ROBO1: variants seen among roughly 807,000 people sequenced by gnomAD.
The protein encoded by ROBO1 is roundabout homolog 1.
In ROBO1, 149 loss-of-function variants were observed where a neutral mutation model predicts 195.9. That is an observed-to-expected ratio of 0.76 (90% CI 0.67 to 0.87). ROBO1 has a LOEUF of 0.87. ROBO1 is among the 40% of genes least tolerant of loss of function. The probability of loss-of-function intolerance (pLI) is 0.00; values close to 1 mark genes in which losing one functional copy is unlikely to be tolerated. For synonymous variants in ROBO1, 816 were observed against 733.2 expected, an observed-to-expected ratio of 1.11 and a Z score of -1.82; for missense variants, 1,933 against 2,068.3, an observed-to-expected ratio of 0.93 and a Z score of 1.27.
intron 1 of ROBO1, among the ~76,000 whole-genome samples, chr3:79,629,763 AAGATG>A (rs1318181981): frequency 2.6e-5 from 4 of 152,074 alleles, no homozygotes; most frequent in Non-Finnish European, 5.9e-5. Flanking sequence ...GCAAGAAAAA[AAGATG>A]AGAAGATTCA....
At chr3:79,154,455 C>A (rs1306257545) in intron 2 of ROBO1, among the ~76,000 whole-genome samples, 1 of 151,680 alleles carries the variant, frequency 6.6e-6, no homozygotes, top group East Asian at 1.9e-4. Flanking sequence ...TATTGCATTT[C>A]ATATGAGAGA....
intron 1 of ROBO1, among the ~76,000 whole-genome samples, chr3:79,601,697 T>C (rs901150071): frequency 1.3e-5 from 2 of 151,942 alleles, no homozygotes; most frequent in African/African-American, 2.4e-5. Flanking sequence ...AGGCAAGAAA[T>C]CATGGTAGAT....
At chr3:79,426,188 A>T (rs1019729041) in intron 2 of ROBO1, among the ~76,000 whole-genome samples, 15 of 152,152 alleles carry the variant, frequency 9.9e-5, no homozygotes, top group African/African-American at 3.4e-4. Flanking sequence ...TTGCATCAAC[A>T]CCTGATAAAA....
intron 10 of ROBO1, among the ~76,000 whole-genome samples, chr3:78,673,565 TATATATATATA>T (rs1708205370): frequency 9.9e-5 from 2 of 20,110 alleles, no homozygotes; most frequent in African/African-American, 4.5e-4. Context: ...ATATATTTTA[TATATATATATA>T]TATATATATA....
intron 1 of ROBO1, among the ~76,000 whole-genome samples, chr3:79,622,515 G>A (rs755775592): frequency 1.3e-5 from 2 of 152,198 alleles, no homozygotes; most frequent in African/African-American, 2.4e-5. Flanking sequence ...AAGGCTGGAT[G>A]GCTTTTTCCC....
chr3:79,034,627 C>T (rs187206621), intron 3 of ROBO1, among the ~76,000 whole-genome samples: 21 of 151,848 alleles, frequency 1.4e-4, no homozygotes, highest in Admixed American at 1.1e-3. Flanking sequence ...AATAAAATAA[C>T]AAAGAACTTA....
chr3:79,140,243 A>G (rs1164458346), intron 2 of ROBO1, among the ~76,000 whole-genome samples: 1 of 152,190 alleles, frequency 6.6e-6, no homozygotes, highest in Non-Finnish European at 1.5e-5. Flanking sequence ...GTTACTGTGT[A>G]GAATGATATT....
At chr3:79,630,543 G>A (rs544489415) in intron 1 of ROBO1, among the ~76,000 whole-genome samples, 1 of 151,980 alleles carries the variant, frequency 6.6e-6, no homozygotes, top group Non-Finnish European at 1.5e-5. Flanking sequence ...ATTGTGAATG[G>A]GAAAAATTTG....
chr3:79,166,560 C>CTTTTTTTTTTTTTTTTTTTTTTTTTTTT (rs968334923), intron 2 of ROBO1, among the ~76,000 whole-genome samples: 1 of 135,106 alleles, frequency 7.4e-6, no homozygotes, highest in Non-Finnish European at 1.6e-5. Flanking sequence ...TTCTATTTTT[C>CTTTTTTTTTTTTTTTTTTTTTTTTTTTT]TTTTTTTTTT....
At chr3:79,570,936 C>A (rs568587468) in intron 2 of ROBO1, among the ~76,000 whole-genome samples, 1 of 152,048 alleles carries the variant, frequency 6.6e-6, no homozygotes, top group African/African-American at 2.4e-5. Flanking sequence ...ATCATGTTAG[C>A]AACATTTCTA....
chr3:79,261,390 T>C (rs2082935356), intron 2 of ROBO1, among the ~76,000 whole-genome samples: 1 of 152,070 alleles, frequency 6.6e-6, no homozygotes, highest in Non-Finnish European at 1.5e-5. Flanking sequence ...AGTGTAATGA[T>C]TGACAAACAT....
intron 3 of ROBO1, among the ~76,000 whole-genome samples, chr3:79,043,631 T>C (rs997463411): frequency 1.3e-5 from 2 of 152,072 alleles, no homozygotes; most frequent in African/African-American, 4.8e-5. Flanking sequence ...GGGAAAAATA[T>C]TGGAATGCAA....
chr3:79,540,595 T>A (rs756908382), intron 2 of ROBO1, among the ~76,000 whole-genome samples: 17 of 152,142 alleles, frequency 1.1e-4, no homozygotes, highest in Non-Finnish European at 1.6e-4. Context: ...TTTCAGACTT[T>A]CCTTCTGATG....
chr3:78,853,684 C>G (rs1189172387), intron 4 of ROBO1, among the ~76,000 whole-genome samples: 1 of 151,878 alleles, frequency 6.6e-6, no homozygotes, highest in South Asian at 2.1e-4. Flanking sequence ...CAGTTGAACG[C>G]TGTATTAGTC....
At chr3:78,769,708 G>A (rs1466122561) in intron 4 of ROBO1, among the ~76,000 whole-genome samples, 1 of 136,294 alleles carries the variant, frequency 7.3e-6, no homozygotes, top group African/African-American at 2.7e-5. Flanking sequence ...CTGTTTTTAT[G>A]TGTTTCCAGG....
intron 4 of ROBO1, among the ~76,000 whole-genome samples, chr3:78,884,455 A>T (rs894471959): frequency 1.3e-5 from 2 of 152,024 alleles, no homozygotes; most frequent in East Asian, 3.9e-4. Context: ...TCTGCAAAAA[A>T]AATTCTTTAA....
At chr3:79,401,817 T>C (rs371775062) in intron 2 of ROBO1, among the ~76,000 whole-genome samples, 4 of 151,810 alleles carry the variant, frequency 2.6e-5, no homozygotes, top group South Asian at 2.1e-4. Context: ...TATATAACCA[T>C]AAAAATAAAA....
At chr3:79,765,630 A>T (rs1704944308) in intron 1 of ROBO1, among the ~76,000 whole-genome samples, 1 of 151,768 alleles carries the variant, frequency 6.6e-6, no homozygotes. Flanking sequence ...CTTCCAAATA[A>T]ATCAGTGGAT....
chr3:78,642,460 A>G (rs1706027368), intron 21 of ROBO1, among the ~76,000 whole-genome samples: 1 of 152,200 alleles, frequency 6.6e-6, no homozygotes, highest in Non-Finnish European at 1.5e-5. Flanking sequence ...GCCAAGGGCT[A>G]GATCTCAGAA....
Sources: gnomAD v4.1 joint callset for allele counts (sites outside exome capture counted in the v4.1 genomes callset) on GRCh38, gnomAD v4.1.1 for gene constraint, MANE v1.5 for transcripts, NCBI Gene and HGNC (gene_info 2026-07-23, HGNC 2026-07-21) for gene names.